Variants in FAM151A observed in about 807,000 individuals in gnomAD.
FAM151A encodes the protein protein FAM151A.
FAM151A carries 41 observed loss-of-function variants against 40.4 expected under a neutral mutation model. That is an observed-to-expected ratio of 1.01 (90% CI 0.79 to 1.32). The LOEUF (loss-of-function observed/expected upper bound fraction) is 1.32. Ranked by LOEUF, FAM151A falls within the 40% of genes most tolerant of loss-of-function variation. The pLI is 0.00. For synonymous variants in FAM151A, 337 were observed against 312.5 expected (o/e 1.08, Z -0.83); for missense variants, 740 against 740.4 (o/e 1.00, Z 0.01).
Position 54,609,354 on chromosome 1 carries a change from C to G in FAM151A, c.1672G>C (p.Ala558Pro). 6.2e-7 allele frequency: 1 copy of G among 1,614,184 alleles called. No individual in the cohort carries two copies. Among genetic ancestry groups the G allele is most frequent in the Non-Finnish European group, 8.5e-7 (1 of 1,180,034 alleles). The change falls in exon 8 of 8, where the codon GCT becomes CCT. Residue 558 changes from alanine to proline, a missense_variant. Ala to Pro is a conservative substitution (Grantham distance 27). Coordinates refer to ENST00000302250, the MANE Select transcript of FAM151A (RefSeq NM_176782.3). Reference protein sequence around the residue: ...YASVRTALLAARAVDRTRVYY... With the variant: ...YASVRTALLAPRAVDRTRVYY... Reference sequence around the variant, plus strand: ...ACTCGGGTCCTGTCCACAGCCCTAGCTGCCAGCAATGCTGTCCTCACAGAG... The same window carrying G: ...ACTCGGGTCCTGTCCACAGCCCTAGGTGCCAGCAATGCTGTCCTCACAGAG...
At position 54,609,370 on chromosome 1, in the gene FAM151A, C is replaced by T; in HGVS notation, c.1656G>A (p.Arg552=). 1.2e-6 allele frequency: 2 copies of T among 1,614,132 alleles called. No homozygotes were observed. Among genetic ancestry groups the T allele is most frequent in the Non-Finnish European group, 1.7e-6 (2 of 1,180,016 alleles). Residue 552 remains arginine, a synonymous_variant, in exon 8 of 8, where the codon AGG becomes AGA. Transcript: ENST00000302250. The part of the protein sequence containing the change: ...NPAGGDYASV[R]TALLAARAVD... ...CAGCCCTAGCTGCCAGCAATGCTGT[C>T]CTCACAGAGGCATAGTCGCCCCCAG...
chr1:54,610,481 C>A lies in FAM151A; in HGVS notation c.1015G>T (p.Gly339Cys), dbSNP rs143979424. Residue 339 changes from glycine (G) to cysteine (C), a missense_variant, in exon 7 of 8, where the codon GGT (glycine) becomes TGT (cysteine). By Grantham distance (159) the Gly-to-Cys change is radical (BLOSUM62 -3). Coordinates refer to ENST00000302250, the MANE Select transcript of FAM151A (RefSeq NM_176782.3). ...IPLLQLPGDDGLNVEWLVPDV... is the reference protein window; with the variant it reads ...IPLLQLPGDDCLNVEWLVPDV... Reference sequence around the variant, plus strand: ...GGAACCAGCCACTCCACATTCAGACCGTCATCCCCAGGCAGCTGGAGAAGA... The same window carrying A: ...GGAACCAGCCACTCCACATTCAGACAGTCATCCCCAGGCAGCTGGAGAAGA... 3.1e-5 allele frequency: 47 copies of A among 1,500,922 alleles called. 1 individual carries two copies. The highest frequency in any genetic ancestry group is 4.0e-5 in the Non-Finnish European group (44 of 1,087,904). The allele number at this position is 1,500,922 out of a possible 1,614,324, so 93.0% of individuals were successfully genotyped here.
At chr1:54,615,474 T>C (rs1644163246) in intron 3 of FAM151A, among the ~76,000 whole-genome samples, 1 of 151,870 alleles carries the variant, frequency 6.6e-6, no homozygotes, top group Admixed American at 6.6e-5. Flanking sequence ...GTGGTCATGG[T>C]AGTCAAGGGA....
Position 54,614,719 on chromosome 1 carries a change from T to C in FAM151A, c.556A>G (p.Thr186Ala), listed in dbSNP as rs1644152885. Residue 186 changes from threonine (T) to alanine (A), a missense_variant, in exon 4 of 8, where the codon ACT becomes GCT. By Grantham distance (58) the Thr-to-Ala change is moderately conservative (BLOSUM62 0). Transcript: ENST00000302250. ...ACTCACTGTGTGGCATTGACCTCAG[T>C]TGAGATGAGCATGTTGGGGCCCTTT... ...ILKGPNMLIS[T>A]EVNATQFLAL... 1 of 1,613,730 alleles carries C rather than the reference T, an allele frequency of 6.2e-7. No individual in the cohort carries two copies. Among genetic ancestry groups the C allele is most frequent in the South Asian group, 1.1e-5 (1 of 91,024 alleles).
Position 54,610,236 on chromosome 1 carries a change from C to A in FAM151A, c.1084+176G>T, listed in dbSNP as rs1644102451. ...TGGTCTGAAGGCCAGGAGCCCTGTG[C>A]TCTTGACATCACTGTACTCCCTCTC... is the stretch of plus-strand genomic sequence containing the variant. On this transcript the variant is annotated intron_variant, in intron 7 of 7. Transcript: ENST00000302250. The A allele has an allele frequency of 2.1e-6, 3 of 1,444,358 alleles. No homozygotes were observed. In the Admixed American group the frequency reaches 8.4e-5, roughly 41 times the overall value. The allele number at this position is 1,444,358 out of a possible 1,614,324, so 89.5% of individuals were successfully genotyped here.
At chr1:54,616,669 G>A (rs754759534) in intron 2 of FAM151A, among the ~76,000 whole-genome samples, 6 of 152,036 alleles carry the variant, frequency 3.9e-5, no homozygotes, top group Non-Finnish European at 5.9e-5. Context: ...CACCGTGCCC[G>A]GCCCTATGCA....
At position 54,612,727 on chromosome 1, in the gene FAM151A, G is replaced by A. The variant is rs751927132; in HGVS notation, c.576-17C>T. 1.9e-6 allele frequency: 3 copies of A among 1,603,594 alleles called. No homozygotes were observed. In the East Asian group the frequency reaches 6.7e-5, roughly 36 times the overall value. ...GCCAGGAACCTGCAAAAAAATCAGAGATGTTGGTCTCACGGAGCTGCAGCG... is the reference window on the plus strand; with the variant it reads ...GCCAGGAACCTGCAAAAAAATCAGAAATGTTGGTCTCACGGAGCTGCAGCG... On this transcript the variant is annotated splice_polypyrimidine_tract_variant and intron_variant, in intron 4 of 7. Transcript: ENST00000302250.
At chr1:54,620,373 G>A (rs1290187950) in intron 1 of FAM151A, among the ~76,000 whole-genome samples, 1 of 152,240 alleles carries the variant, frequency 6.6e-6, no homozygotes, top group Non-Finnish European at 1.5e-5. Flanking sequence ...AGAGCCATTG[G>A]CCTGGTAGAG....
rs1227418255 is a variant in FAM151A, at chr1:54,609,637, C to A, written c.1389G>T (p.Leu463=). 6 of 1,613,764 alleles carry A rather than the reference C, an allele frequency of 3.7e-6. No individual in the cohort carries two copies. Among genetic ancestry groups the A allele is most frequent in the Non-Finnish European group, 5.1e-6 (6 of 1,180,050 alleles). ...SVPGHVAGRE[L]LTAVAEVFPH... Reference sequence around the variant, plus strand: ...GGAAGACCTCAGCCACAGCTGTAAGCAGCTCTCTGCCAGCCACATGGCCGG... The same window carrying A: ...GGAAGACCTCAGCCACAGCTGTAAGAAGCTCTCTGCCAGCCACATGGCCGG... Residue 463 remains leucine (L), a synonymous_variant, in exon 8 of 8, where the codon CTG becomes CTT. Coordinates refer to ENST00000302250, the MANE Select transcript of FAM151A (RefSeq NM_176782.3).
chr1:54,620,012 A>AC lies in FAM151A; in HGVS notation c.119-6_119-5insG, dbSNP rs1327631086. ...TGCAGGCCTCCAGCTCACAGCCTGGAAGGAATCCCAAGGGGCTGTTAGCGT... is the reference window on the plus strand; with the variant it reads ...TGCAGGCCTCCAGCTCACAGCCTGGACAGGAATCCCAAGGGGCTGTTAGCGT... On this transcript the variant is annotated splice_region_variant and splice_polypyrimidine_tract_variant and intron_variant, in intron 1 of 7. Coordinates refer to ENST00000302250, the MANE Select transcript of FAM151A (RefSeq NM_176782.3). 6.2e-6 allele frequency: 7 copies of AC among 1,128,318 alleles called. No homozygotes were observed. In the South Asian group the frequency reaches 7.4e-5, roughly 12 times the overall value. 69.9% of individuals were successfully genotyped at this position (1,128,318 alleles called of 1,614,324 possible).
At chr1:54,615,754 G>A (rs1444295910) in intron 3 of FAM151A, among the ~76,000 whole-genome samples, 2 of 152,240 alleles carry the variant, frequency 1.3e-5, no homozygotes, top group Non-Finnish European at 1.5e-5. Flanking sequence ...AGCACTCTGA[G>A]CATGCGCGGC....
At chr1:54,610,215 C>A (rs1644102091) in intron 7 of FAM151A, 197 bp downstream of exon 7, 2 of 1,436,624 alleles carry the variant, frequency 1.4e-6, no homozygotes, top group East Asian at 5.0e-5. Context: ...GAGGACTGGT[C>A]TGAAGGCCAG....
intron 2 of FAM151A, among the ~76,000 whole-genome samples, chr1:54,617,923 C>T (rs1189786601): frequency 2.0e-5 from 3 of 151,758 alleles, no homozygotes; most frequent in Admixed American, 2.0e-4. Context: ...GATGCGGTTT[C>T]ACCATATCAG....
chr1:54,615,848 A>G (rs1443833602), intron 3 of FAM151A, among the ~76,000 whole-genome samples, 172 bp downstream of exon 3: 1 of 152,186 alleles, frequency 6.6e-6, no homozygotes, highest in African/African-American at 2.4e-5. Context: ...CATGCTCCCC[A>G]TCTCGCCTAG....
At chr1:54,612,463 G>T in intron 5 of FAM151A, 23 bp downstream of exon 5, 7 of 1,571,764 alleles carry the variant, frequency 4.5e-6, no homozygotes, top group Non-Finnish European at 6.1e-6. Flanking sequence ...CAGGAGGGTG[G>T]GGGTGGGTTT....
rs201744943 is a variant in FAM151A, at chr1:54,609,251, C to T, written c.*17G>A. ...AGCCTCCGCCCTGAGGTCCGCTGGC[C>T]CACCACCCCTGGGTGCTCAGTTTCT... On this transcript the variant is annotated 3_prime_UTR_variant, in exon 8 of 8. Transcript: ENST00000302250. The T allele has an allele frequency of 1.3e-5, 21 of 1,595,316 alleles. 1 individual carries two copies. Among genetic ancestry groups the T allele is most frequent in the Middle Eastern group, 1.7e-4 (1 of 5,982 alleles).
intron 2 of FAM151A, among the ~76,000 whole-genome samples, chr1:54,619,025 T>C (rs1644202415): frequency 6.6e-6 from 1 of 152,188 alleles, no homozygotes; most frequent in South Asian, 2.1e-4. Flanking sequence ...CCTGCTTTGG[T>C]TGATTTGGTC....
chr1:54,611,126 T>G, intron 6 of FAM151A: 1 of 689,278 alleles, frequency 1.5e-6, no homozygotes, highest in South Asian at 6.5e-5. Flanking sequence ...ATGGAATCCC[T>G]CAGTTTCTCT....
chr1:54,614,997 G>C, intron 3 of FAM151A, 138 bp from the exon 4 acceptor site: 2 of 810,816 alleles, frequency 2.5e-6, no homozygotes, highest in Admixed American at 5.4e-5. Flanking sequence ...GGAAGGACCA[G>C]CACCACATCC....
Sources: gnomAD v4.1 joint callset for allele counts (sites outside exome capture counted in the v4.1 genomes callset) on GRCh38, gnomAD v4.1.1 for gene constraint, MANE v1.5 for transcripts, NCBI Gene and HGNC (gene_info 2026-07-23, HGNC 2026-07-21) for gene names.